Variants in TRAF3IP2 observed in about 807,000 individuals in gnomAD.
The protein encoded by TRAF3IP2 is TRAF3 interacting protein 2, also known as E3 ubiquitin ligase TRAF3IP2.
Under a neutral mutation model 57.9 loss-of-function variants are expected in TRAF3IP2, and 35 were observed. The ratio of observed to expected loss-of-function variants is 0.60; its 90% confidence interval spans 0.46 to 0.80. The LOEUF (loss-of-function observed/expected upper bound fraction) is 0.80, where lower values mean the gene tolerates loss of function less well. Among genes scored for constraint, TRAF3IP2 ranks in the 30% least tolerant of loss-of-function variants. TRAF3IP2 has a pLI of 0.00. For synonymous variants in TRAF3IP2, 251 were observed against 268.9 expected (o/e 0.93, Z 0.65); for missense variants, 556 against 706.4 (o/e 0.79, Z 2.41).
intron 8 of TRAF3IP2, 121 bp downstream of exon 8, chr6:111,562,844 C>CAAAAAAAAAA (rs931683636): frequency 1.9e-6 from 1 of 538,300 alleles, no homozygotes; most frequent in Non-Finnish European, 2.7e-6. Context: ...GACTCCATCT[C>CAAAAAAAAAA]AAAAAAAAAA....
chr6:111,568,344 A>T lies in TRAF3IP2; in HGVS notation c.1291-652T>A, dbSNP rs1269503205. On this transcript the variant is annotated intron_variant, in intron 5 of 8. Transcript: ENST00000368761. ...TATCAGCATTCAAGTTTTTGAAGGG[A>T]TATTTTAAAAGGAGAAAGATCAGTT... Among the ~76,000 whole-genome samples the T allele has an allele frequency of 2.0e-5, 3 of 152,174 alleles. No individual in the cohort carries two copies. The East Asian group carries it at 5.8e-4, about 29-fold the overall frequency.
chr6:111,591,173 C>A lies in TRAF3IP2; in HGVS notation c.829+85G>T. Reference sequence around the variant, plus strand: ...CTGCATTCTGACCTGTTCATGCCAGCCTAGTGACACGAAGCATTGATGTGA... The same window carrying A: ...CTGCATTCTGACCTGTTCATGCCAGACTAGTGACACGAAGCATTGATGTGA... On this transcript the variant is annotated intron_variant, in intron 2 of 8. Transcript: ENST00000368761. The surrounding 1 kb of genome is among the most constrained non-coding windows in gnomAD (Gnocchi z 4.9). 1 of 1,117,230 alleles carries A rather than the reference C, an allele frequency of 9.0e-7. No homozygotes were observed. The highest frequency in any genetic ancestry group is 1.2e-6 in the Non-Finnish European group (1 of 805,776). The allele number at this position is 1,117,230 out of a possible 1,614,324, so 69.2% of individuals were successfully genotyped here.
intron 3 of TRAF3IP2, among the ~76,000 whole-genome samples, chr6:111,577,813 G>A (rs1182037336): frequency 6.6e-6 from 1 of 152,064 alleles, no homozygotes; most frequent in Non-Finnish European, 1.5e-5. Flanking sequence ...TTGTGCTCAG[G>A]CAGTTCTCCT....
Position 111,581,461 on chromosome 6 carries a change from G to GT in TRAF3IP2, c.830-1073dup, listed in dbSNP as rs1562428160. ...GACAAGAAGGAAGGTGTTTTGTTTTGTTTTTTAAAAATCCTCATTGATCTT... is the reference window on the plus strand; with the variant it reads ...GACAAGAAGGAAGGTGTTTTGTTTTGTTTTTTTAAAAATCCTCATTGATCTT... On this transcript the variant is annotated intron_variant, in intron 2 of 8. Coordinates refer to ENST00000368761, the MANE Select transcript of TRAF3IP2 (RefSeq NM_147686.4). Among the ~76,000 whole-genome samples, 8 of 152,152 alleles carry GT rather than the reference G, an allele frequency of 5.3e-5. No homozygotes were observed. In the South Asian group the frequency reaches 1.7e-3, roughly 32 times the overall value.
Position 111,591,767 on chromosome 6 carries a change from G to A in TRAF3IP2, c.320C>T (p.Pro107Leu). ...RRHPGLGKAF[P>L]SGCSAVSEPA... The stretch of plus-strand genomic sequence containing the variant: ...CTCGCTGACTGCAGAGCACCCAGAA[G>A]GGAAAGCTTTGCCCAGGCCTGGGTG... Residue 107 changes from proline (P) to leucine (L), a missense_variant, in exon 2 of 9, where the codon CCT becomes CTT. By Grantham distance (98) the Pro-to-Leu change is moderately conservative (BLOSUM62 -3). This residue lies in a region of TRAF3IP2 where 428 missense variants were observed against 498.7 expected (regional missense o/e 0.86). Transcript: ENST00000368761. This position sits in a 1 kb window ranked among gnomAD's most constrained non-coding sequence, Gnocchi z 4.9. The A allele has an allele frequency of 1.2e-6, 2 of 1,614,222 alleles. No individual in the cohort carries two copies. The highest frequency in any genetic ancestry group is 1.1e-5 in the South Asian group (1 of 91,076).
At chr6:111,584,852 T>C (rs174374) in intron 2 of TRAF3IP2, among the ~76,000 whole-genome samples, 16,573 of 152,252 alleles carry the variant, frequency 0.11, 1,212 homozygotes, top group Middle Eastern at 0.22. Flanking sequence ...AAGTTCCATA[T>C]TGAGAATTAT....
In TRAF3IP2 at chr6:111,591,633, T is replaced by C; in HGVS notation, c.454A>G (p.Thr152Ala). Reference sequence around the variant, plus strand: ...TCTGATTTGTCTGAGTCATGGCCAGTGTCAGGAGAAGCCGCTGAAAGCTGA... The same window carrying C: ...TCTGATTTGTCTGAGTCATGGCCAGCGTCAGGAGAAGCCGCTGAAAGCTGA... ...VSQLSAASPD[T>A]GHDSDKSDQS... Residue 152 changes from threonine to alanine, a missense_variant, in exon 2 of 9, where the codon ACT becomes GCT. Thr to Ala is a moderately conservative substitution (Grantham distance 58, BLOSUM62 0). Transcript: ENST00000368761. The surrounding 1 kb of genome is among the most constrained non-coding windows in gnomAD (Gnocchi z 4.9). The C allele has an allele frequency of 6.2e-7, 1 of 1,614,248 alleles. No homozygotes were observed. Among genetic ancestry groups the C allele is most frequent in the Non-Finnish European group, 8.5e-7 (1 of 1,180,042 alleles).
intron 2 of TRAF3IP2, among the ~76,000 whole-genome samples, chr6:111,581,788 GCCAA>G (rs1183513675): frequency 6.6e-6 from 1 of 152,108 alleles, no homozygotes; most frequent in Non-Finnish European, 1.5e-5. Context: ...GACCAGCCTG[GCCAA>G]CATGGTAAAA....
chr6:111,603,088 A>G lies in TRAF3IP2; in HGVS notation c.-9+2688T>C, dbSNP rs1339204920. Among the ~76,000 whole-genome samples the G allele has an allele frequency of 3.2e-4, 10 of 30,926 alleles. No homozygotes were observed. In the East Asian group the frequency reaches 6.5e-3, roughly 20 times the overall value. 20.3% of individuals were successfully genotyped at this position (30,926 alleles called of 152,430 possible). ...GTCTGTGCACACACAAGGTGTGCAC[A>G]CACACACACACACACACACACACAA... On this transcript the variant is annotated intron_variant, in intron 1 of 8. Coordinates refer to ENST00000368761, the MANE Select transcript of TRAF3IP2 (RefSeq NM_147686.4).
At chr6:111,573,464 G>A (rs1795891169) in intron 4 of TRAF3IP2, 1 of 153,708 alleles carries the variant, frequency 6.5e-6, no homozygotes, top group African/African-American at 2.4e-5. Context: ...ACAATAGCAA[G>A]TGGGAGGAGA....
chr6:111,585,425 A>G (rs1183236382), intron 2 of TRAF3IP2, among the ~76,000 whole-genome samples: 1 of 152,226 alleles, frequency 6.6e-6, no homozygotes, highest in Non-Finnish European at 1.5e-5. Flanking sequence ...AGTAGAGAAC[A>G]GATTTCTTTT....
intron 2 of TRAF3IP2, 62 bp from the exon 3 acceptor site, chr6:111,580,451 A>G (rs1796121429): frequency 6.9e-7 from 1 of 1,447,252 alleles, no homozygotes; most frequent in Non-Finnish European, 9.2e-7. Flanking sequence ...GTGTGAAAGG[A>G]GTCATAAGCT....
chr6:111,595,552 G>A (rs928099217), intron 1 of TRAF3IP2, among the ~76,000 whole-genome samples: 8 of 151,990 alleles, frequency 5.3e-5, no homozygotes, highest in African/African-American at 1.7e-4. Flanking sequence ...TATGCATGCC[G>A]GGCGCCGTGA....
In TRAF3IP2 at chr6:111,580,327, G is replaced by T. The variant is rs761688888; in HGVS notation, c.892C>A (p.Pro298Thr). The change falls in exon 3 of 9, where the codon CCC becomes ACC. Residue 298 changes from proline (P) to threonine (T), a missense_variant. Pro to Thr is a conservative substitution (Grantham distance 38). Transcript: ENST00000368761. ...QVIQPALPGQ[P>T]LPGASVRGLH... ...CCTCTCACACTGGCTCCAGGCAGGG[G>T]CTGCCCAGGCAGAGCCGGCTGGATC... The T allele has an allele frequency of 1.2e-6, 2 of 1,604,108 alleles. No homozygotes were observed. The highest frequency in any genetic ancestry group is 1.7e-6 in the Non-Finnish European group (2 of 1,176,810).
chr6:111,582,080 C>T (rs116742668), intron 2 of TRAF3IP2, among the ~76,000 whole-genome samples: 1,874 of 152,326 alleles, frequency 0.012, 44 homozygotes, highest in African/African-American at 0.043. Context: ...AAGTACAGAA[C>T]AAGAGATAAA....
At chr6:111,592,425 C>T (rs906965318) in intron 1 of TRAF3IP2, among the ~76,000 whole-genome samples, 2 of 152,156 alleles carry the variant, frequency 1.3e-5, no homozygotes, top group Non-Finnish European at 2.9e-5. Flanking sequence ...TGGGCTGCTT[C>T]GTGTGTGCTT....
intron 3 of TRAF3IP2, among the ~76,000 whole-genome samples, chr6:111,577,416 T>A (rs1358280902): frequency 5.3e-5 from 8 of 152,184 alleles, no homozygotes; most frequent in Admixed American, 4.6e-4. Context: ...TTTTTTCTTT[T>A]TTTTGAGGCA....
rs917610131 is a variant in TRAF3IP2 at position 111,556,727 on chromosome 6, G to A, written c.*2678C>T. 3.3e-5 allele frequency: 5 copies of A among 151,538 alleles called. No individual in the cohort carries two copies. Among genetic ancestry groups the A allele is most frequent in the Non-Finnish European group, 7.4e-5 (5 of 67,780 alleles). 9.4% of individuals were successfully genotyped at this position (151,538 alleles called of 1,614,324 possible). A position where few individuals can be genotyped will look rare whatever the true frequency, so the allele number is the denominator to read the frequency against. ...ACAAAGACATTCGTCTCACCCAGTA[G>A]ACATCTAAGTTATAAAGTAAATGAA... On this transcript the variant is annotated 3_prime_UTR_variant, in exon 9 of 9. Coordinates refer to ENST00000368761, the MANE Select transcript of TRAF3IP2 (RefSeq NM_147686.4).
chr6:111,571,051 C>A (rs1009489312), intron 5 of TRAF3IP2, among the ~76,000 whole-genome samples: 1 of 150,154 alleles, frequency 6.7e-6, no homozygotes, highest in Non-Finnish European at 1.5e-5. Flanking sequence ...GGACTACAGG[C>A]GCACACCACC....
Sources: gnomAD v4.1 joint callset for allele counts (sites outside exome capture counted in the v4.1 genomes callset) on GRCh38, gnomAD v4.1.1 for gene constraint, gnomAD v4.1.1 regional missense constraint, Gnocchi (gnomAD v3.1) non-coding constraint, MANE v1.5 for transcripts, NCBI Gene and HGNC (gene_info 2026-07-23, HGNC 2026-07-21) for gene names.